PROM2: variants seen among roughly 807,000 people sequenced by gnomAD.
PROM2 encodes the protein prominin 2, also known as prominin-2.
Under a neutral mutation model 110.2 loss-of-function variants are expected in PROM2, and 90 were observed. The observed-to-expected ratio is 0.82, with a 90% CI of 0.69 to 0.97. The LOEUF (loss-of-function observed/expected upper bound fraction) is 0.97. PROM2 is among the 50% of genes least tolerant of loss of function. The probability of loss-of-function intolerance (pLI) is 0.00; values close to 1 mark genes in which losing one functional copy is unlikely to be tolerated. For synonymous variants in PROM2, 470 were observed against 467.8 expected, an observed-to-expected ratio of 1.00 and a Z score of -0.06; for missense variants, 1,009 against 1,074.8, an observed-to-expected ratio of 0.94 and a Z score of 0.86.
chr2:95,285,240 T>C, intron 15 of PROM2, 125 bp downstream of exon 15: 1 of 1,163,972 alleles, frequency 8.6e-7, no homozygotes, highest in Non-Finnish European at 1.2e-6. Context: ...TCCTGGGGCC[T>C]CTTCCTGTGG....
At position 95,291,300 on chromosome 2, in the gene PROM2, G is replaced by A. The variant is rs1245688109; in HGVS notation, c.*2087G>A. 1 of 152,058 alleles carries A rather than the reference G, an allele frequency of 6.6e-6. No individual in the cohort carries two copies. The highest frequency in any genetic ancestry group is 2.4e-5 in the African/African-American group (1 of 41,400). 9.4% of individuals were successfully genotyped at this position (152,058 alleles called of 1,614,324 possible). On this transcript the variant is annotated 3_prime_UTR_variant, in exon 24 of 24. Coordinates refer to ENST00000317620, the MANE Select transcript of PROM2 (RefSeq NM_001165978.3). ...AATAAAATTGATGGCATTACAAATGGAATAGAAACCATTTTTAAAATATTT... is the reference window on the plus strand; with the variant it reads ...AATAAAATTGATGGCATTACAAATGAAATAGAAACCATTTTTAAAATATTT...
Position 95,277,414 on chromosome 2 carries a change from G to A in PROM2, c.823G>A (p.Glu275Lys), listed in dbSNP as rs139022633. ...HLQTLNATVV[E>K]LQAGQQDLEP... is the part of the protein sequence containing the mutation. Reference sequence around the variant, plus strand: ...GCAAACCTTGAATGCTACAGTGGTAGAGCTGCAGGCCGGGCAGCAGGACCT... The same window carrying A: ...GCAAACCTTGAATGCTACAGTGGTAAAGCTGCAGGCCGGGCAGCAGGACCT... Residue 275 changes from glutamate (E) to lysine (K), a missense_variant, in exon 7 of 24, where the codon GAG (glutamate) becomes AAG (lysine). Coordinates refer to ENST00000317620, the MANE Select transcript of PROM2 (RefSeq NM_001165978.3). 8.2e-5 allele frequency: 132 copies of A among 1,613,442 alleles called. No individual in the cohort carries two copies. In the African/African-American group the frequency reaches 1.6e-3, roughly 19 times the overall value.
In PROM2 at chr2:95,279,135, A is replaced by G. The variant is rs1372632769; in HGVS notation, c.1265A>G (p.Glu422Gly). ...RPYLQEVQRYETYRWIVGCVL... is the reference protein window; with the variant it reads ...RPYLQEVQRYGTYRWIVGCVL... Reference sequence around the variant, plus strand: ...TACCTGCAGGAGGTGCAGAGATACGAGACCTACAGGTGCTGGGCACCGCAG... The same window carrying G: ...TACCTGCAGGAGGTGCAGAGATACGGGACCTACAGGTGCTGGGCACCGCAG... Residue 422 changes from glutamate (E) to glycine (G), a missense_variant, in exon 10 of 24, where the codon GAG (glutamate) becomes GGG (glycine). Transcript: ENST00000317620. 1 of 1,251,612 alleles carries G rather than the reference A, an allele frequency of 8.0e-7. No individual in the cohort carries two copies. The highest frequency in any genetic ancestry group is 1.0e-6 in the Non-Finnish European group (1 of 964,784). 77.5% of individuals were successfully genotyped at this position (1,251,612 alleles called of 1,614,324 possible).
chr2:95,277,539 C>G lies in PROM2; in HGVS notation c.948C>G (p.Thr316=). 2 of 1,591,174 alleles carry G rather than the reference C, an allele frequency of 1.3e-6. No individual in the cohort carries two copies. The highest frequency in any genetic ancestry group is 2.2e-5 in the East Asian group (1 of 44,556). Residue 316 remains threonine, a synonymous_variant, in exon 7 of 24, where the codon ACC becomes ACG. Coordinates refer to ENST00000317620, the MANE Select transcript of PROM2 (RefSeq NM_001165978.3). ...CAGGGGCCCTGAGCTGGGCCCGCACCCTGGAGCTGGGTGCTGACTTCAGCC... is the reference window on the plus strand; with the variant it reads ...CAGGGGCCCTGAGCTGGGCCCGCACGCTGGAGCTGGGTGCTGACTTCAGCC... ...DCAGALSWAR[T]LELGADFSQV... is the part of the protein sequence containing the mutation.
chr2:95,280,149 C>G, intron 11 of PROM2, 152 bp downstream of exon 11: 1 of 734,898 alleles, frequency 1.4e-6, no homozygotes, highest in Non-Finnish European at 1.9e-6. Flanking sequence ...CAACAAGGAG[C>G]TCTTCCTTCC....
chr2:95,277,305 G>T, intron 6 of PROM2, 59 bp from the exon 7 acceptor site: 2 of 1,526,614 alleles, frequency 1.3e-6, no homozygotes, highest in Non-Finnish European at 1.8e-6. Flanking sequence ...TCTGCCTCCT[G>T]CAAGGCGTCT....
chr2:95,284,955 G>C lies in PROM2; in HGVS notation c.1729-14G>C. ...CAACTGGGCATGACTCCCACCCTGCGCCTGCTCTCCCAGTATACCAACAAG... is the reference window on the plus strand; with the variant it reads ...CAACTGGGCATGACTCCCACCCTGCCCCTGCTCTCCCAGTATACCAACAAG... On this transcript the variant is annotated splice_polypyrimidine_tract_variant and intron_variant, in intron 14 of 23. Coordinates refer to ENST00000317620, the MANE Select transcript of PROM2 (RefSeq NM_001165978.3). 3.7e-6 allele frequency: 6 copies of C among 1,607,102 alleles called. No individual in the cohort carries two copies. Among genetic ancestry groups the C allele is most frequent in the Non-Finnish European group, 5.1e-6 (6 of 1,176,444 alleles).
Position 95,281,355 on chromosome 2 carries a change from A to G in PROM2, c.1541A>G (p.Glu514Gly). 6.3e-7 allele frequency: 1 copy of G among 1,592,556 alleles called. No homozygotes were observed. The highest frequency in any genetic ancestry group is 2.3e-5 in the East Asian group (1 of 43,602). The change falls in exon 12 of 24, where the codon GAG becomes GGG. Residue 514 changes from glutamate to glycine, a missense_variant. Transcript: ENST00000317620. The stretch of plus-strand genomic sequence containing the variant: ...GTGTGCCAGAGCTGGGAGAACGGCG[A>G]GCTCTTTGAGGTAGGCCTGTCTCTG... The part of the protein sequence containing the change: ...TLVCQSWENG[E>G]LFEFADTPGN...
chr2:95,288,623 G>T (rs762796860), intron 22 of PROM2, 34 bp downstream of exon 22: 2 of 1,569,028 alleles, frequency 1.3e-6, no homozygotes, highest in Non-Finnish European at 1.7e-6. Context: ...GCAGCATCAG[G>T]GGCCAGGGAG....
At position 95,274,944 on chromosome 2, in the gene PROM2, C is replaced by T. The variant is rs141823896; in HGVS notation, c.244+115C>T. 24 of 1,362,304 alleles carry T rather than the reference C, an allele frequency of 1.8e-5. No homozygotes were observed. In the South Asian group the frequency reaches 2.6e-4, roughly 15 times the overall value. The allele number at this position is 1,362,304 out of a possible 1,614,324, so 84.4% of individuals were successfully genotyped here. A position where few individuals can be genotyped will look rare whatever the true frequency, so the allele number is the denominator to read the frequency against. On this transcript the variant is annotated intron_variant, in intron 1 of 23. Transcript: ENST00000317620. ...CTACAAGCAGGCACTTGCCATCTTC[C>T]TGGGGTAGAAGGCGGAGGATCTGGG... is the stretch of plus-strand genomic sequence containing the variant.
In PROM2 at chr2:95,288,503, G is replaced by A; in HGVS notation, c.2355G>A (p.Leu785=). The change falls in exon 22 of 24, where the codon CTG becomes CTA. Residue 785 remains leucine (L), a synonymous_variant. Transcript: ENST00000317620. ...ADPWNAFWFC[L]AWCTFFLIPS... The stretch of plus-strand genomic sequence containing the variant: ...TGCAGAATGCCTTCTGGTTCTGCCT[G>A]GCATGGTGCACCTTCTTCCTGATCC... The A allele has an allele frequency of 6.2e-7, 1 of 1,614,164 alleles. No homozygotes were observed. Among genetic ancestry groups the A allele is most frequent in the Non-Finnish European group, 8.5e-7 (1 of 1,180,014 alleles).
rs1329178299 is a variant in PROM2 at position 95,291,160 on chromosome 2, T to A, written c.*1947T>A. 6.6e-6 allele frequency: 1 copy of A among 152,180 alleles called. No individual in the cohort carries two copies. The highest frequency in any genetic ancestry group is 1.9e-4 in the East Asian group (1 of 5,194). The allele number at this position is 152,180 out of a possible 1,614,324, so 9.4% of individuals were successfully genotyped here. On this transcript the variant is annotated 3_prime_UTR_variant, in exon 24 of 24. Coordinates refer to ENST00000317620, the MANE Select transcript of PROM2 (RefSeq NM_001165978.3). ...ACAATGTATTATTATCACTGTCAGA[T>A]GAGCATGCTTGAATGTAGCATGACT...
At position 95,277,916 on chromosome 2, in the gene PROM2, T is replaced by C; in HGVS notation, c.976-14T>C. 1 of 1,610,422 alleles carries C rather than the reference T, an allele frequency of 6.2e-7. No homozygotes were observed. Among genetic ancestry groups the C allele is most frequent in the African/African-American group, 1.3e-5 (1 of 74,720 alleles). ...TCCATGAACTTTGTCATAACCCACC[T>C]TCCCCCATTTCAGGTGCCCTCTGTG... On this transcript the variant is annotated splice_polypyrimidine_tract_variant and intron_variant, in intron 7 of 23. Transcript: ENST00000317620.
At chr2:95,289,173 C>G in intron 23 of PROM2, 51 bp from the exon 24 acceptor site, 1 of 619,106 alleles carries the variant, frequency 1.6e-6, no homozygotes, top group Non-Finnish European at 2.9e-6. Context: ...GGCTGACAGC[C>G]CTGTTCTCCC....
Position 95,278,965 on chromosome 2 carries a change from G to A in PROM2, c.1115-20G>A, listed in dbSNP as rs766221716. ...CCAGGGTGCCCTCCGCATCCCACAAGTCCCTGTTACTTTGGGCAGAGCTGA... is the reference window on the plus strand; with the variant it reads ...CCAGGGTGCCCTCCGCATCCCACAAATCCCTGTTACTTTGGGCAGAGCTGA... On this transcript the variant is annotated intron_variant, in intron 9 of 23. Transcript: ENST00000317620. The A allele has an allele frequency of 2.5e-6, 4 of 1,597,818 alleles. No individual in the cohort carries two copies. The highest frequency in any genetic ancestry group is 1.7e-5 in the Admixed American group (1 of 59,258).
Position 95,289,269 on chromosome 2 carries a change from T to C in PROM2, c.*56T>C. 5.7e-6 allele frequency: 3 copies of C among 523,036 alleles called. No homozygotes were observed. The highest frequency in any genetic ancestry group is 1.0e-5 in the Non-Finnish European group (3 of 287,942). The allele number at this position is 523,036 out of a possible 1,614,324, so 32.4% of individuals were successfully genotyped here. A position where few individuals can be genotyped will look rare whatever the true frequency, so the allele number is the denominator to read the frequency against. ...GCCTGTCCTCCCCTTTGATTTAGCC[T>C]GGGCCACAGGACTTCGGTAGCTCTT... On this transcript the variant is annotated 3_prime_UTR_variant, in exon 24 of 24. Transcript: ENST00000317620.
At position 95,279,030 on chromosome 2, in the gene PROM2, T is replaced by C. The variant is rs1187346709; in HGVS notation, c.1160T>C (p.Leu387Pro). The change falls in exon 10 of 24, where the codon CTG becomes CCG. Residue 387 changes from leucine (L) to proline (P), a missense_variant. Physicochemically the swap from Leu to Pro is moderately conservative, Grantham distance 98 (BLOSUM62 -3). Transcript: ENST00000317620. Reference sequence around the variant, plus strand: ...CAGCAGCCGGAAGGGGTGAGGACACTGGCTGAAGGGTTCCCGGGCTTGGAG... The same window carrying C: ...CAGCAGCCGGAAGGGGTGAGGACACCGGCTGAAGGGTTCCCGGGCTTGGAG... ...VAQQPEGVRT[L>P]AEGFPGLEAA... 2.5e-6 allele frequency: 4 copies of C among 1,612,760 alleles called. No individual in the cohort carries two copies. Among genetic ancestry groups the C allele is most frequent in the Non-Finnish European group, 1.7e-6 (2 of 1,179,498 alleles).
chr2:95,275,269 C>T lies in PROM2; in HGVS notation c.245-192C>T, dbSNP rs190948031. On this transcript the variant is annotated intron_variant, in intron 1 of 23. Transcript: ENST00000317620. The surrounding 1 kb of genome is among the most constrained non-coding windows in gnomAD (Gnocchi z 4.4). ...AGAGGTCTGCAGCCTCCTCTCTGCT[C>T]GCCCTCCTGTAGCAGTGCTGAGGTC... 6.7e-4 allele frequency among the ~76,000 whole-genome samples: 102 copies of T among 152,346 alleles called. 1 individual carries two copies. In the East Asian group the frequency reaches 0.018, roughly 26 times the overall value.
chr2:95,285,780 G>A, intron 16 of PROM2, 70 bp downstream of exon 16: 2 of 1,442,182 alleles, frequency 1.4e-6, no homozygotes, highest in Non-Finnish European at 1.9e-6. Flanking sequence ...GAAAGGGTGG[G>A]AGGATGTGAG....
Sources: gnomAD v4.1 joint callset for allele counts (sites outside exome capture counted in the v4.1 genomes callset) on GRCh38, gnomAD v4.1.1 for gene constraint, Gnocchi (gnomAD v3.1) non-coding constraint, MANE v1.5 for transcripts, NCBI Gene and HGNC (gene_info 2026-07-23, HGNC 2026-07-21) for gene names.